KDM1A: variants seen among roughly 807,000 people sequenced by gnomAD.
The protein encoded by KDM1A is lysine demethylase 1A.
A neutral mutation model predicts 109.4 loss-of-function variants in KDM1A; 49 were observed. The ratio of observed to expected loss-of-function variants is 0.45; its 90% confidence interval spans 0.36 to 0.57. The LOEUF (loss-of-function observed/expected upper bound fraction) is 0.57, where lower values mean the gene tolerates loss of function less well. Among genes scored for constraint, KDM1A ranks in the 20% least tolerant of loss-of-function variants. The pLI, the probability that KDM1A is intolerant of heterozygous loss-of-function variation, is 0.00. For missense variants in KDM1A, 668 were observed against 1,116.6 expected, an observed-to-expected ratio of 0.60 and a Z score of 5.73; for synonymous variants, 380 against 415.4, an observed-to-expected ratio of 0.91 and a Z score of 1.04.
intron 1 of KDM1A, among the ~76,000 whole-genome samples, chr1:23,022,648 C>CTTTTTTTTTT (rs58124287): frequency 1.4e-4 from 5 of 36,812 alleles, no homozygotes; most frequent in Admixed American, 4.6e-4. Flanking sequence ...CCTTCTTCTT[C>CTTTTTTTTTT]TTTTTTTTTT....
chr1:23,069,914 G>T (rs995878881), intron 12 of KDM1A, among the ~76,000 whole-genome samples: 1 of 151,574 alleles, frequency 6.6e-6, no homozygotes, highest in African/African-American at 2.4e-5. Flanking sequence ...CCCCTGGAGG[G>T]GGCCTTTATA....
At chr1:23,021,601 G>T (rs1641631133) in intron 1 of KDM1A, among the ~76,000 whole-genome samples, 1 of 152,194 alleles carries the variant, frequency 6.6e-6, no homozygotes, top group African/African-American at 2.4e-5. Flanking sequence ...GGAGGCAGAG[G>T]TTGCAGTGAG....
intron 2 of KDM1A, among the ~76,000 whole-genome samples, chr1:23,040,437 A>C (rs1264479156): frequency 2.0e-5 from 3 of 152,208 alleles, no homozygotes; most frequent in Middle Eastern, 3.2e-3. Flanking sequence ...GCTGTTATGT[A>C]AGATAAATCA....
At chr1:23,038,380 T>C (rs1282050205) in intron 2 of KDM1A, among the ~76,000 whole-genome samples, 1 of 152,086 alleles carries the variant, frequency 6.6e-6, no homozygotes, top group Non-Finnish European at 1.5e-5. Context: ...TTTTCTTTCC[T>C]TAAGAGAATA....
chr1:23,022,300 C>T (rs1016870947), intron 1 of KDM1A, among the ~76,000 whole-genome samples: 1 of 149,866 alleles, frequency 6.7e-6, no homozygotes, highest in Non-Finnish European at 1.5e-5. Context: ...TATGAGGGTT[C>T]CAGTTTCTCC....
chr1:23,054,961 G>A (rs149807540), intron 5 of KDM1A, 108 bp from the exon 6 acceptor site: 1 of 668,796 alleles, frequency 1.5e-6, no homozygotes, highest in Non-Finnish European at 2.5e-6. Flanking sequence ...CACATGACTT[G>A]AAGCTTAATG....
At chr1:23,067,421 T>C (rs556291261) in intron 10 of KDM1A, among the ~76,000 whole-genome samples, 2 of 152,310 alleles carry the variant, frequency 1.3e-5, no homozygotes, top group South Asian at 4.1e-4. Context: ...GGGTTCAAAA[T>C]CGTCTGTTGG....
At chr1:23,019,986 G>A in intron 1 of KDM1A, 39 bp downstream of exon 1, 2 of 1,442,512 alleles carry the variant, frequency 1.4e-6, no homozygotes, top group Non-Finnish European at 9.1e-7. Flanking sequence ...ACCGCCTGGT[G>A]CCGAGCTTCC....
At chr1:23,059,791 A>G (rs951995154) in intron 9 of KDM1A, among the ~76,000 whole-genome samples, 2 of 152,230 alleles carry the variant, frequency 1.3e-5, no homozygotes, top group Non-Finnish European at 2.9e-5. Context: ...GTGAAATTCA[A>G]AAGTTTGTAT....
At chr1:23,081,400 G>C in intron 18 of KDM1A, 46 bp from the exon 19 acceptor site, 1 of 1,605,034 alleles carries the variant, frequency 6.2e-7, no homozygotes, top group Non-Finnish European at 8.5e-7. Context: ...AGTTTTTGAG[G>C]AAAGTCTGTA....
intron 2 of KDM1A, among the ~76,000 whole-genome samples, chr1:23,040,320 A>C (rs1642269857): frequency 6.6e-6 from 1 of 152,216 alleles, no homozygotes; most frequent in South Asian, 2.1e-4. Flanking sequence ...TGATCTCTTG[A>C]GTATTTGAAT....
intron 4 of KDM1A, among the ~76,000 whole-genome samples, chr1:23,051,142 C>T (rs2124454453): frequency 6.6e-6 from 1 of 152,190 alleles, no homozygotes; most frequent in Non-Finnish European, 1.5e-5. Context: ...ATCACTTTGT[C>T]CTTCCCTCTG....
chr1:23,064,642 A>G (rs1643110540), intron 9 of KDM1A, among the ~76,000 whole-genome samples: 1 of 152,208 alleles, frequency 6.6e-6, no homozygotes, highest in South Asian at 2.1e-4. Context: ...AACTAAAGAG[A>G]GCTGTCCTCC....
chr1:23,082,144 A>G (rs1009228885), intron 19 of KDM1A, 76 bp from the exon 20 acceptor site: 10 of 1,511,310 alleles, frequency 6.6e-6, no homozygotes, highest in Non-Finnish European at 8.2e-6. Context: ...TCCACCCACC[A>G]CTGCTTTTCC....
Position 23,066,084 on chromosome 1 carries a change from T to C in KDM1A, c.1179+13T>C. The C allele has an allele frequency of 1.3e-6, 2 of 1,555,522 alleles. No homozygotes were observed. Among genetic ancestry groups the C allele is most frequent in the East Asian group, 4.5e-5 (2 of 44,544 alleles). On this transcript the variant is annotated intron_variant, in intron 10 of 20. Transcript: ENST00000400181. ...GGACACTGTCAAGGTATTTTTTTCA[T>C]AATTTTTCAAATCATTTTCCTCACT...
intron 4 of KDM1A, among the ~76,000 whole-genome samples, chr1:23,051,764 C>G (rs1642677206): frequency 6.6e-6 from 1 of 152,168 alleles, no homozygotes; most frequent in African/African-American, 2.4e-5. Flanking sequence ...GAATATAGCT[C>G]AGAGATGTCA....
intron 6 of KDM1A, among the ~76,000 whole-genome samples, chr1:23,055,725 T>C (rs1642811065): frequency 6.6e-6 from 1 of 152,240 alleles, no homozygotes; most frequent in Non-Finnish European, 1.5e-5. Context: ...ATTTGATTTA[T>C]AAATGTTCGA....
At position 23,068,010 on chromosome 1, in the gene KDM1A, G is replaced by C. The variant is rs1023349343; in HGVS notation, c.1180-529G>C. Among the ~76,000 whole-genome samples, 5 of 152,194 alleles carry C rather than the reference G, an allele frequency of 3.3e-5. No individual in the cohort carries two copies. The East Asian group carries it at 9.6e-4, about 29-fold the overall frequency. ...ACTGTGCAAAAGAATAAAAGTGCTA[G>C]TGTGTTCTTATTAGTAGCCATGAAT... On this transcript the variant is annotated intron_variant, in intron 10 of 20. Transcript: ENST00000400181.
intron 4 of KDM1A, among the ~76,000 whole-genome samples, chr1:23,053,280 A>T (rs1557549443): frequency 6.6e-6 from 1 of 152,184 alleles, no homozygotes; most frequent in Middle Eastern, 3.2e-3. Context: ...CTTATTTGAT[A>T]TGGCTTTGTG....
Sources: allele counts gnomAD v4.1 joint callset (sites outside exome capture counted in the v4.1 genomes callset), GRCh38; gene constraint gnomAD v4.1.1; transcripts MANE v1.5; gene names NCBI Gene and HGNC (gene_info 2026-07-23, HGNC 2026-07-21).